Variants in FMN1 observed in about 807,000 individuals in gnomAD.
The protein encoded by FMN1 is formin 1.
FMN1 carries 110 observed loss-of-function variants against 132.4 expected under a neutral mutation model. That is an observed-to-expected ratio of 0.83 (90% CI 0.71 to 0.97). The LOEUF (loss-of-function observed/expected upper bound fraction) is 0.97. Ranked by LOEUF, FMN1 falls within the 50% of genes least tolerant of loss-of-function variation. The pLI is 0.00. For synonymous variants in FMN1, 722 were observed against 651.7 expected, an observed-to-expected ratio of 1.11 and a Z score of -1.64; for missense variants, 1,792 against 1,705.3, an observed-to-expected ratio of 1.05 and a Z score of -0.90.
chr15:32,994,224 TCTCTCTCTCA>T (rs1177653185), intron 7 of FMN1, among the ~76,000 whole-genome samples: 18 of 88,076 alleles, frequency 2.0e-4, no homozygotes, highest in Middle Eastern at 5.4e-3. Context: ...TCTCTCTCTC[TCTCTCTCTCA>T]CACACACACA....
chr15:33,039,904 G>A (rs2036351467), intron 6 of FMN1, among the ~76,000 whole-genome samples: 1 of 152,028 alleles, frequency 6.6e-6, no homozygotes, highest in Non-Finnish European at 1.5e-5. Context: ...CCCCACTGCC[G>A]CCACTCACCT....
intron 7 of FMN1, among the ~76,000 whole-genome samples, chr15:32,978,356 A>G (rs2032379838): frequency 6.6e-6 from 1 of 152,208 alleles, no homozygotes; most frequent in South Asian, 2.1e-4. Flanking sequence ...AGGCATTATT[A>G]CTCATCGGGG....
intron 5 of FMN1, among the ~76,000 whole-genome samples, chr15:33,070,069 A>C (rs1289377968): frequency 7.9e-6 from 1 of 125,796 alleles, no homozygotes; most frequent in African/African-American, 3.0e-5. Flanking sequence ...GGAATGGTGC[A>C]ATCTCCGCTC....
chr15:33,095,285 T>C (rs2039040114), intron 4 of FMN1, among the ~76,000 whole-genome samples: 1 of 152,000 alleles, frequency 6.6e-6, no homozygotes, highest in African/African-American at 2.4e-5. Flanking sequence ...GAGGCAGAGG[T>C]TGCAGTGAGC....
intron 4 of FMN1, among the ~76,000 whole-genome samples, chr15:33,149,280 G>A (rs974879700): frequency 6.6e-6 from 1 of 152,050 alleles, no homozygotes; most frequent in Non-Finnish European, 1.5e-5. Flanking sequence ...TATATTGGGA[G>A]GGGTGATAGT....
At chr15:32,902,709 T>A (rs1423739370) in intron 12 of FMN1, among the ~76,000 whole-genome samples, 2 of 152,136 alleles carry the variant, frequency 1.3e-5, no homozygotes, top group Non-Finnish European at 1.5e-5. Flanking sequence ...TCTTAAAAGC[T>A]AAAGGTGAGT....
At chr15:32,952,073 C>G (rs1395828569) in intron 9 of FMN1, among the ~76,000 whole-genome samples, 1 of 152,168 alleles carries the variant, frequency 6.6e-6, no homozygotes, top group Non-Finnish European at 1.5e-5. Context: ...CCTCCTTTTC[C>G]ATGCACCTTC....
At chr15:32,819,114 G>C (rs960065523) in intron 17 of FMN1, among the ~76,000 whole-genome samples, 11 of 152,202 alleles carry the variant, frequency 7.2e-5, no homozygotes, top group Non-Finnish European at 1.5e-4. Flanking sequence ...AGCTGAAGAA[G>C]AACCCCACAT....
intron 6 of FMN1, among the ~76,000 whole-genome samples, chr15:33,053,487 C>T (rs1168464784): frequency 6.6e-6 from 1 of 152,192 alleles, no homozygotes; most frequent in Non-Finnish European, 1.5e-5. Context: ...GGTGCCCCTG[C>T]TGCAAGTTCG....
At chr15:33,055,797 C>T (rs1189805146) in intron 6 of FMN1, among the ~76,000 whole-genome samples, 3 of 152,004 alleles carry the variant, frequency 2.0e-5, no homozygotes, top group African/African-American at 7.2e-5. Context: ...AGAATTTATC[C>T]TAATCAAAAA....
intron 6 of FMN1, among the ~76,000 whole-genome samples, chr15:33,051,478 T>TA (rs1209225637): frequency 1.5e-5 from 2 of 129,358 alleles, no homozygotes; most frequent in African/African-American, 5.9e-5. Context: ...CATCAGGTGA[T>TA]AGGTGGTTGT....
intron 5 of FMN1, among the ~76,000 whole-genome samples, chr15:33,076,610 T>G (rs2038220268): frequency 6.6e-6 from 1 of 152,190 alleles, no homozygotes; most frequent in South Asian, 2.1e-4. Flanking sequence ...CAAGTTTTCT[T>G]GCAGCCTCAC....
chr15:32,813,574 G>A (rs1030402915), intron 17 of FMN1, among the ~76,000 whole-genome samples: 6 of 152,300 alleles, frequency 3.9e-5, no homozygotes, highest in East Asian at 1.9e-4. Context: ...ATTTGTGGCT[G>A]ATATTCTACT....
chr15:32,849,410 C>G (rs2058950252), intron 17 of FMN1, among the ~76,000 whole-genome samples: 1 of 152,126 alleles, frequency 6.6e-6, no homozygotes, highest in Middle Eastern at 3.4e-3. Context: ...CTGACCCTTG[C>G]TTTTATCCAC....
At position 33,131,234 on chromosome 15, in the gene FMN1, C is replaced by T. The variant is rs373408909; in HGVS notation, c.1867+21814G>A. Among the ~76,000 whole-genome samples the T allele has an allele frequency of 1.9e-4, 28 of 147,286 alleles. 1 individual carries two copies. In the East Asian group the frequency reaches 2.0e-3, roughly 11 times the overall value. ...ATCCCAGCTACTCGGGAGGCTGAGG[C>T]GGAAGAATCACTTGAACCCAGGAGG... On this transcript the variant is annotated intron_variant, in intron 4 of 20. Transcript: ENST00000616417.
At chr15:33,136,382 C>T (rs1355149237) in intron 4 of FMN1, among the ~76,000 whole-genome samples, 1 of 152,188 alleles carries the variant, frequency 6.6e-6, no homozygotes, top group African/African-American at 2.4e-5. Flanking sequence ...TATATACAGT[C>T]TACCCACGTA....
intron 6 of FMN1, among the ~76,000 whole-genome samples, chr15:33,018,182 G>A (rs940426492): frequency 6.6e-6 from 1 of 152,174 alleles, no homozygotes; most frequent in Non-Finnish European, 1.5e-5. Context: ...TTGTGCATGA[G>A]ATTAGTGTGT....
At chr15:33,133,520 C>T (rs1963636545) in intron 4 of FMN1, among the ~76,000 whole-genome samples, 1 of 152,166 alleles carries the variant, frequency 6.6e-6, no homozygotes, top group Non-Finnish European at 1.5e-5. Flanking sequence ...GCTCTGGTGC[C>T]CATTAGCTAC....
chr15:32,855,325 A>T lies in FMN1; in HGVS notation c.3928+1690T>A, dbSNP rs757028507. On this transcript the variant is annotated intron_variant, in intron 17 of 20. Coordinates refer to ENST00000616417, the MANE Select transcript of FMN1 (RefSeq NM_001277313.2). ...GAGAGTTGAGAACCACTGTTTTAGG[A>T]CTTTCTTAGAACAGCTTCCTATGGC... 8.6e-4 allele frequency among the ~76,000 whole-genome samples: 131 copies of T among 152,046 alleles called. 1 individual carries two copies. The highest frequency in any genetic ancestry group is 3.5e-4 in the Non-Finnish European group (24 of 68,020).
Sources: allele counts gnomAD v4.1 joint callset (sites outside exome capture counted in the v4.1 genomes callset), GRCh38; gene constraint gnomAD v4.1.1; transcripts MANE v1.5; gene names NCBI Gene and HGNC (gene_info 2026-07-23, HGNC 2026-07-21).